LPP: variants seen among roughly 807,000 people sequenced by gnomAD.
The protein encoded by LPP is lipoma-preferred partner.
Under a neutral mutation model 60.4 loss-of-function variants are expected in LPP, and 38 were observed. That is an observed-to-expected ratio of 0.63 (90% CI 0.49 to 0.83). The LOEUF is 0.83. LPP is among the 40% of genes least tolerant of loss of function. LPP has a pLI of 0.00. For missense variants in LPP, 902 were observed against 783.6 expected (o/e 1.15, Z -1.80); for synonymous variants, 328 against 290.8 (o/e 1.13, Z -1.30).
At chr3:188,523,199 G>A (rs965717929) in intron 5 of LPP, among the ~76,000 whole-genome samples, 17 of 151,974 alleles carry the variant, frequency 1.1e-4, no homozygotes, top group African/African-American at 3.1e-4. Flanking sequence ...GAGCCACCGC[G>A]CCCGTCCTGA....
intron 4 of LPP, among the ~76,000 whole-genome samples, chr3:188,426,793 C>G (rs1321407766): frequency 1.3e-5 from 2 of 151,656 alleles, no homozygotes; most frequent in Non-Finnish European, 2.9e-5. Flanking sequence ...TTTTTGCTTT[C>G]CGTTTGCTTG....
chr3:188,243,595 T>A (rs547712624), intron 2 of LPP, among the ~76,000 whole-genome samples: 1 of 152,320 alleles, frequency 6.6e-6, no homozygotes, highest in Non-Finnish European at 1.5e-5. Flanking sequence ...CTAATTGATG[T>A]TATCCTTTTG....
intron 9 of LPP, among the ~76,000 whole-genome samples, chr3:188,834,223 C>T (rs754328505): frequency 1.3e-5 from 2 of 151,220 alleles, no homozygotes; most frequent in East Asian, 1.9e-4. Flanking sequence ...TATCAAGTGG[C>T]GGGAACATAT....
At chr3:188,486,032 A>T (rs1806405359) in intron 5 of LPP, among the ~76,000 whole-genome samples, 1 of 152,036 alleles carries the variant, frequency 6.6e-6, no homozygotes. Context: ...GTTTTACAGT[A>T]TTATTTTTTC....
At chr3:188,315,977 T>C (rs925849853) in intron 2 of LPP, among the ~76,000 whole-genome samples, 1 of 152,186 alleles carries the variant, frequency 6.6e-6, no homozygotes, top group Admixed American at 6.5e-5. Flanking sequence ...AAAATGTCTT[T>C]CTAAAGATTA....
intron 5 of LPP, among the ~76,000 whole-genome samples, chr3:188,485,269 A>G (rs1304920035): frequency 2.0e-5 from 3 of 152,194 alleles, no homozygotes; most frequent in Non-Finnish European, 4.4e-5. Context: ...ATTGCAAAGT[A>G]ACTCGGGGCT....
chr3:188,546,116 G>A (rs970527752), intron 6 of LPP, among the ~76,000 whole-genome samples: 5 of 152,026 alleles, frequency 3.3e-5, no homozygotes, highest in Non-Finnish European at 5.9e-5. Flanking sequence ...CTGTGATGAC[G>A]TGGTCCTTCT....
Position 188,874,546 on chromosome 3 carries a change from T to C in LPP, c.*67T>C. ...AAGAAAAAGATAAGAAATACTAGAG[T>C]AAAGGCCATCAAACTACGCGATAGT... On this transcript the variant is annotated 3_prime_UTR_variant, in exon 12 of 12. Transcript: ENST00000617246. 1 of 1,556,458 alleles carries C rather than the reference T, an allele frequency of 6.4e-7. No homozygotes were observed. The highest frequency in any genetic ancestry group is 8.8e-7 in the Non-Finnish European group (1 of 1,138,510).
At chr3:188,271,392 T>C (rs1737671940) in intron 2 of LPP, among the ~76,000 whole-genome samples, 1 of 152,208 alleles carries the variant, frequency 6.6e-6, no homozygotes, top group East Asian at 1.9e-4. Context: ...TGAAGCCTTT[T>C]CTGTGGAAGA....
chr3:188,809,885 A>G (rs934872905), intron 9 of LPP, among the ~76,000 whole-genome samples: 3 of 152,100 alleles, frequency 2.0e-5, no homozygotes, highest in Admixed American at 6.6e-5. Context: ...GTCCAGTTTC[A>G]GTTTTCTGCA....
intron 3 of LPP, among the ~76,000 whole-genome samples, chr3:188,350,209 G>A (rs76918042): frequency 0.058 from 8,876 of 152,166 alleles, 680 homozygotes; most frequent in African/African-American, 0.18. Flanking sequence ...GGGAGCTGGC[G>A]GGTCTGTGGA....
chr3:188,228,116 T>A (rs1057405632), intron 2 of LPP, among the ~76,000 whole-genome samples: 9 of 152,184 alleles, frequency 5.9e-5, no homozygotes, highest in Non-Finnish European at 1.3e-4. Flanking sequence ...TGAAAAGGCA[T>A]CAGCCAGCTG....
At chr3:188,705,639 G>A (rs972620040) in intron 7 of LPP, among the ~76,000 whole-genome samples, 2 of 151,168 alleles carry the variant, frequency 1.3e-5, no homozygotes, top group Non-Finnish European at 2.9e-5. Flanking sequence ...TTGTGTGGGG[G>A]GAAAATAGAA....
chr3:188,493,131 G>T, intron 5 of LPP, among the ~76,000 whole-genome samples: 1 of 152,026 alleles, frequency 6.6e-6, no homozygotes. Context: ...TATTTCCTGA[G>T]TCTTTGTATA....
intron 7 of LPP, among the ~76,000 whole-genome samples, chr3:188,667,759 C>A (rs1417792739): frequency 6.7e-6 from 1 of 148,458 alleles, no homozygotes; most frequent in Non-Finnish European, 1.5e-5. Flanking sequence ...ACTGTGTTAA[C>A]AGGAAAGTTG....
intron 3 of LPP, among the ~76,000 whole-genome samples, chr3:188,365,869 G>C (rs963337276): frequency 6.6e-6 from 1 of 152,058 alleles, no homozygotes; most frequent in African/African-American, 2.4e-5. Context: ...ATTAACATAG[G>C]CATCACCTCA....
intron 6 of LPP, among the ~76,000 whole-genome samples, chr3:188,560,692 T>G (rs1830474398): frequency 6.6e-6 from 1 of 152,072 alleles, no homozygotes; most frequent in South Asian, 2.1e-4. Context: ...GTTTTCTTCT[T>G]TTTATGGAAT....
chr3:188,338,815 T>C (rs1271948751), intron 2 of LPP, among the ~76,000 whole-genome samples: 1 of 152,164 alleles, frequency 6.6e-6, no homozygotes, highest in Non-Finnish European at 1.5e-5. Context: ...CAATAACACT[T>C]AGAATTTTTG....
intron 2 of LPP, among the ~76,000 whole-genome samples, chr3:188,317,871 G>A (rs1755567865): frequency 6.6e-6 from 1 of 152,278 alleles, no homozygotes; most frequent in Admixed American, 6.5e-5. Context: ...ATGGAGAAGA[G>A]GTGGGAGAAG....
Sources: gnomAD v4.1 joint callset for allele counts (sites outside exome capture counted in the v4.1 genomes callset) on GRCh38, gnomAD v4.1.1 for gene constraint, MANE v1.5 for transcripts, NCBI Gene and HGNC (gene_info 2026-07-23, HGNC 2026-07-21) for gene names.